SZRD1: variants seen among roughly 807,000 people sequenced by gnomAD.
The protein encoded by SZRD1 is SUZ RNA binding domain containing 1.
SZRD1 carries 7 observed loss-of-function variants against 17.6 expected under a neutral mutation model. The observed-to-expected ratio is 0.40, with a 90% CI of 0.23 to 0.75. The LOEUF is 0.75. Ranked by LOEUF, SZRD1 falls within the 30% of genes least tolerant of loss-of-function variation. The probability of loss-of-function intolerance (pLI) is 0.38; values close to 1 mark genes in which losing one functional copy is unlikely to be tolerated. For synonymous variants in SZRD1, 77 were observed against 77.9 expected, an observed-to-expected ratio of 0.99 and a Z score of 0.06; for missense variants, 178 against 201.8, an observed-to-expected ratio of 0.88 and a Z score of 0.71.
At position 16,391,337 on chromosome 1, in the gene SZRD1, G is replaced by T; in HGVS notation, c.52-38G>T. 6.9e-7 allele frequency: 1 copy of T among 1,441,304 alleles called. No individual in the cohort carries two copies. The highest frequency in any genetic ancestry group is 1.2e-5 in the South Asian group (1 of 80,910). 89.3% of individuals were successfully genotyped at this position (1,441,304 alleles called of 1,614,324 possible). ...AAAGACTAAGTTTTTATTTGAGAGAGATTTTTTCCTCTTTTTATATACATT... is the reference window on the plus strand; with the variant it reads ...AAAGACTAAGTTTTTATTTGAGAGATATTTTTTCCTCTTTTTATATACATT... On this transcript the variant is annotated intron_variant, in intron 1 of 3. Coordinates refer to ENST00000401088, the MANE Select transcript of SZRD1 (RefSeq NM_001114600.3). The surrounding 1 kb of genome is among the most constrained non-coding windows in gnomAD (Gnocchi z 4.3).
At position 16,397,967 on chromosome 1, in the gene SZRD1, T is replaced by C. The variant is rs534503854; in HGVS notation, c.*2827T>C. Reference sequence around the variant, plus strand: ...GGTCGTGTGATCCCAGGGGTGCACATGGGCCCCTTGGGTGTCTGAACAGAA... The same window carrying C: ...GGTCGTGTGATCCCAGGGGTGCACACGGGCCCCTTGGGTGTCTGAACAGAA... On this transcript the variant is annotated 3_prime_UTR_variant, in exon 4 of 4. Transcript: ENST00000401088. This position sits in a 1 kb window ranked among gnomAD's most constrained non-coding sequence, Gnocchi z 5.4. 3.0e-6 allele frequency: 2 copies of C among 674,320 alleles called. No homozygotes were observed. The highest frequency in any genetic ancestry group is 2.7e-4 in the East Asian group (2 of 7,336). 41.8% of individuals were successfully genotyped at this position (674,320 alleles called of 1,614,324 possible).
chr1:16,367,986 G>C (rs541838166), intron 1 of SZRD1: 2 of 152,258 alleles, frequency 1.3e-5, no homozygotes, highest in Non-Finnish European at 2.9e-5. Flanking sequence ...GCCCCGGGAA[G>C]GTCTAGGAGT....
At chr1:16,373,590 A>C (rs868478100) in intron 1 of SZRD1, among the ~76,000 whole-genome samples, 1 of 151,832 alleles carries the variant, frequency 6.6e-6, no homozygotes, top group Non-Finnish European at 1.5e-5. Flanking sequence ...AAAAAAAAAA[A>C]AAAAACAAAA....
chr1:16,381,267 TAAAA>T (rs1451543312), intron 1 of SZRD1, among the ~76,000 whole-genome samples: 1 of 151,484 alleles, frequency 6.6e-6, no homozygotes. Flanking sequence ...AAAAAATAAA[TAAAA>T]AATAATGTTG....
chr1:16,379,318 C>G lies in SZRD1; in HGVS notation c.51+12010C>G, dbSNP rs1570014017. Among the ~76,000 whole-genome samples the G allele has an allele frequency of 2.0e-5, 3 of 151,630 alleles. 1 individual carries two copies. In the East Asian group the frequency reaches 5.9e-4, roughly 30 times the overall value. On this transcript the variant is annotated intron_variant, in intron 1 of 3. Transcript: ENST00000401088. ...GTTTTTAGTAGAGACGGGGTTTTAC[C>G]ATGTTAGCCAGAATGGCCTCGTGAT...
At chr1:16,367,494 C>A (rs1165717158) in intron 1 of SZRD1, among the ~76,000 whole-genome samples, 186 bp downstream of exon 1, 5 of 152,242 alleles carry the variant, frequency 3.3e-5, no homozygotes, top group Admixed American at 3.3e-4. Context: ...ATCCATTTCT[C>A]TCCTTTCCTT....
intron 1 of SZRD1, chr1:16,387,783 A>C (rs950349220): frequency 1.1e-5 from 5 of 442,378 alleles, no homozygotes; most frequent in African/African-American, 1.0e-4. Context: ...ACTTGTGAGA[A>C]GCCCTTAAAA....
chr1:16,369,910 A>C (rs2082884474), intron 1 of SZRD1, among the ~76,000 whole-genome samples: 1 of 151,802 alleles, frequency 6.6e-6, no homozygotes, highest in South Asian at 2.1e-4. Context: ...AAAAAAAAAA[A>C]ACTACAGAGG....
chr1:16,395,283 C>T lies in SZRD1; in HGVS notation c.*143C>T, dbSNP rs756719268. On this transcript the variant is annotated 3_prime_UTR_variant, in exon 4 of 4. Transcript: ENST00000401088. ...TTGCACTGTGATCCCCCTTGCTCCG[C>T]CCACTGTGACCTTGAACCCCATGCA... is the stretch of plus-strand genomic sequence containing the variant. The T allele has an allele frequency of 1.1e-5, 8 of 702,346 alleles. No individual in the cohort carries two copies. Among genetic ancestry groups the T allele is most frequent in the Non-Finnish European group, 1.9e-5 (7 of 377,616 alleles). 43.5% of individuals were successfully genotyped at this position (702,346 alleles called of 1,614,324 possible).
In SZRD1 at chr1:16,393,564, G is replaced by A; in HGVS notation, c.356+82G>A. The A allele has an allele frequency of 7.0e-7, 1 of 1,423,354 alleles. No homozygotes were observed. The highest frequency in any genetic ancestry group is 1.3e-5 in the South Asian group (1 of 76,954). 88.2% of individuals were successfully genotyped at this position (1,423,354 alleles called of 1,614,324 possible). A position where few individuals can be genotyped will look rare whatever the true frequency, so the allele number is the denominator to read the frequency against. ...GGAGAGCATCCTGGCTGCGTGTAGA[G>A]TAGTGAGAAGCAAGCAGAGTCAGGG... On this transcript the variant is annotated intron_variant, in intron 3 of 3. Transcript: ENST00000401088. The surrounding 1 kb of genome is among the most constrained non-coding windows in gnomAD (Gnocchi z 5.6).
In SZRD1 at chr1:16,393,155, G is replaced by T; in HGVS notation, c.102-73G>T. The T allele has an allele frequency of 1.3e-6, 2 of 1,554,200 alleles. No individual in the cohort carries two copies. The highest frequency in any genetic ancestry group is 8.8e-7 in the Non-Finnish European group (1 of 1,137,062). On this transcript the variant is annotated intron_variant, in intron 2 of 3. Transcript: ENST00000401088. The surrounding 1 kb of genome is among the most constrained non-coding windows in gnomAD (Gnocchi z 5.6). ...GGGAGGGAGAGGAAAGTGATGAGAG[G>T]TGGGTGTGGGACATGGACAGGGCCT...
chr1:16,368,055 G>A (rs1301923667), intron 1 of SZRD1: 1 of 152,186 alleles, frequency 6.6e-6, no homozygotes, highest in Non-Finnish European at 1.5e-5. Context: ...GGAGAGGAGT[G>A]GGGAGATGGA....
At chr1:16,387,816 T>C (rs569008963) in intron 1 of SZRD1, 4 of 402,940 alleles carry the variant, frequency 9.9e-6, no homozygotes, top group Admixed American at 5.9e-5. Flanking sequence ...TAGACTAATA[T>C]GAGCTGTAGT....
chr1:16,375,084 G>A (rs1341701806), intron 1 of SZRD1, among the ~76,000 whole-genome samples: 1 of 152,036 alleles, frequency 6.6e-6, no homozygotes, highest in Admixed American at 6.6e-5. Context: ...CACTGTGTTG[G>A]CTAGGCCGGT....
intron 1 of SZRD1, chr1:16,387,332 T>G: frequency 2.2e-6 from 1 of 456,378 alleles, no homozygotes; most frequent in South Asian, 1.5e-5. Context: ...TTTGCTTTCC[T>G]CAGAGGAGAC....
At chr1:16,370,639 AT>A (rs1428784805) in intron 1 of SZRD1, among the ~76,000 whole-genome samples, 6 of 151,564 alleles carry the variant, frequency 4.0e-5, no homozygotes, top group South Asian at 2.1e-4. Context: ...AAAAAAAAAA[AT>A]ATTTATTTAT....
At chr1:16,394,919 C>T in intron 3 of SZRD1, 119 bp from the exon 4 acceptor site, 1 of 654,128 alleles carries the variant, frequency 1.5e-6, no homozygotes, top group Non-Finnish European at 2.7e-6. Flanking sequence ...CGTGCCACTG[C>T]ACTCCAATCT....
intron 1 of SZRD1, among the ~76,000 whole-genome samples, chr1:16,370,925 T>C (rs1162803576): frequency 6.6e-6 from 1 of 152,228 alleles, no homozygotes; most frequent in Non-Finnish European, 1.5e-5. Flanking sequence ...GCCAGGGAGA[T>C]GTTATGTCCA....
At chr1:16,385,567 G>A (rs992661157) in intron 1 of SZRD1, among the ~76,000 whole-genome samples, 29 of 151,806 alleles carry the variant, frequency 1.9e-4, no homozygotes, top group Non-Finnish European at 3.5e-4. Flanking sequence ...ACCTCTTAAC[G>A]TTACAGGAGT....
Sources: gnomAD v4.1 joint callset for allele counts (sites outside exome capture counted in the v4.1 genomes callset) on GRCh38, gnomAD v4.1.1 for gene constraint, Gnocchi (gnomAD v3.1) non-coding constraint, MANE v1.5 for transcripts, NCBI Gene and HGNC (gene_info 2026-07-23, HGNC 2026-07-21) for gene names.